Variants in HTRA1 observed in about 807,000 individuals in gnomAD.
HTRA1 encodes serine protease HTRA1.
A neutral mutation model predicts 49.7 loss-of-function variants in HTRA1; 26 were observed. That is an observed-to-expected ratio of 0.52 (90% confidence interval 0.38 to 0.73). The LOEUF is 0.73. Ranked by LOEUF, HTRA1 falls within the 30% of genes least tolerant of loss-of-function variation. HTRA1 has a pLI of 0.00. For missense variants in HTRA1, 561 were observed against 667.2 expected, an observed-to-expected ratio of 0.84 and a Z score of 1.75; for synonymous variants, 291 against 286.9, an observed-to-expected ratio of 1.01 and a Z score of -0.14.
chr10:122,482,647 C>T lies in HTRA1; in HGVS notation c.473-6255C>T, dbSNP rs147897744. The stretch of plus-strand genomic sequence containing the variant: ...TTTAAAGCACATATTCGGCCAGGTG[C>T]GGTGGCTCACACCTGTAGTCCCAGC... On this transcript the variant is annotated intron_variant, in intron 1 of 8. Coordinates refer to ENST00000368984, the MANE Select transcript of HTRA1 (RefSeq NM_002775.5). Among the ~76,000 whole-genome samples, 135 of 152,106 alleles carry T rather than the reference C, an allele frequency of 8.9e-4. 2 individuals carry two copies. The East Asian group carries it at 0.018, about 20-fold the overall frequency.
At chr10:122,500,122 C>T (rs2097500296) in intron 3 of HTRA1, among the ~76,000 whole-genome samples, 1 of 152,120 alleles carries the variant, frequency 6.6e-6, no homozygotes, top group Non-Finnish European at 1.5e-5. Flanking sequence ...CACTCAAGTG[C>T]TACTAGGCAG....
At position 122,506,434 on chromosome 10, in the gene HTRA1, C is replaced by A. The variant is rs2097503082; in HGVS notation, c.778-257C>A. On this transcript the variant is annotated intron_variant, in intron 3 of 8. Coordinates refer to ENST00000368984, the MANE Select transcript of HTRA1 (RefSeq NM_002775.5). The surrounding 1 kb of genome is among the most constrained non-coding windows in gnomAD (Gnocchi z 5.2). ...CCCCGACTTGGCCTCCAGTTACCTC[C>A]CCACGGTTTCCTTGGTGTGTGTGTG... is the stretch of plus-strand genomic sequence containing the variant. 6.6e-6 allele frequency among the ~76,000 whole-genome samples: 1 copy of A among 152,148 alleles called. No homozygotes were observed. Among genetic ancestry groups the A allele is most frequent in the African/African-American group, 2.4e-5 (1 of 41,428 alleles).
rs1296298901 is a variant in HTRA1, at chr10:122,494,531, A to G, written c.777+4905A>G. On this transcript the variant is annotated intron_variant, in intron 3 of 8. Transcript: ENST00000368984. This position sits in a 1 kb window ranked among gnomAD's most constrained non-coding sequence, Gnocchi z 4.0. ...TTTGGTAACGGAAAGCGCTGGTGAA[A>G]CAGTGAGCTTTCCCGTGGGTGCTTT... is the stretch of plus-strand genomic sequence containing the variant. Among the ~76,000 whole-genome samples the G allele has an allele frequency of 6.6e-6, 1 of 152,186 alleles. No individual in the cohort carries two copies. Among genetic ancestry groups the G allele is most frequent in the Non-Finnish European group, 1.5e-5 (1 of 68,030 alleles).
At chr10:122,512,087 T>G in intron 8 of HTRA1, 22 bp downstream of exon 8, 3 of 1,508,810 alleles carry the variant, frequency 2.0e-6, no homozygotes, top group Non-Finnish European at 2.8e-6. Context: ...TCGTTTTCTC[T>G]TTTCCCAATA....
chr10:122,502,049 G>A (rs1332839896), intron 3 of HTRA1, among the ~76,000 whole-genome samples: 1 of 131,156 alleles, frequency 7.6e-6, no homozygotes, highest in Non-Finnish European at 1.5e-5. Context: ...TTTTAGTGCT[G>A]GTCTGTGTTT....
Position 122,464,669 on chromosome 10 carries a change from T to G in HTRA1, c.472+2545T>G, listed in dbSNP as rs2097483106. Among the ~76,000 whole-genome samples, 1 of 152,196 alleles carries G rather than the reference T, an allele frequency of 6.6e-6. No homozygotes were observed. The highest frequency in any genetic ancestry group is 1.5e-5 in the Non-Finnish European group (1 of 68,038). On this transcript the variant is annotated intron_variant, in intron 1 of 8. Transcript: ENST00000368984. This position sits in a 1 kb window ranked among gnomAD's most constrained non-coding sequence, Gnocchi z 4.8. ...TGGATCTCACACTCCACCCTTGACT[T>G]TTCGGAGGTGTTTCCGAGGACAGGC... is the stretch of plus-strand genomic sequence containing the variant.
In HTRA1 at chr10:122,484,453, C is replaced by T. The variant is rs749756611; in HGVS notation, c.473-4449C>T. ...TCATACCTTCGCAGTGACATGACGA[C>T]GTCGTTAGGAGGCGCCGAGGTGGCT... On this transcript the variant is annotated intron_variant, in intron 1 of 8. Coordinates refer to ENST00000368984, the MANE Select transcript of HTRA1 (RefSeq NM_002775.5). Among the ~76,000 whole-genome samples the T allele has an allele frequency of 1.6e-4, 25 of 152,266 alleles. No individual in the cohort carries two copies. In the Middle Eastern group the frequency reaches 0.017, roughly 104 times the overall value.
At chr10:122,504,066 C>A (rs2097502027) in intron 3 of HTRA1, among the ~76,000 whole-genome samples, 1 of 152,184 alleles carries the variant, frequency 6.6e-6, no homozygotes, top group Non-Finnish European at 1.5e-5. Context: ...CCACGGGGTG[C>A]TCTGGGCCCC....
rs544288548 is a variant in HTRA1 at position 122,505,754 on chromosome 10, C to T, written c.778-937C>T. On this transcript the variant is annotated intron_variant, in intron 3 of 8. Transcript: ENST00000368984. The stretch of plus-strand genomic sequence containing the variant: ...ATTTCTGGGCCTGGTCCATGTTGTT[C>T]AGGGCAGCTGCTCGTTCTAAGTGAA... 3.9e-5 allele frequency among the ~76,000 whole-genome samples: 6 copies of T among 152,324 alleles called. No homozygotes were observed. In the South Asian group the frequency reaches 1.0e-3, roughly 26 times the overall value.
intron 5 of HTRA1, among the ~76,000 whole-genome samples, chr10:122,507,846 G>T (rs1432147391): frequency 1.3e-5 from 2 of 152,196 alleles, no homozygotes; most frequent in Non-Finnish European, 2.9e-5. Context: ...TTAAGGCCTG[G>T]CTGGAATGAG....
At chr10:122,485,346 G>C (rs1400969795) in intron 1 of HTRA1, among the ~76,000 whole-genome samples, 1 of 152,198 alleles carries the variant, frequency 6.6e-6, no homozygotes, top group Non-Finnish European at 1.5e-5. Flanking sequence ...CTTGTCATAT[G>C]GTCTGTGCTC....
At chr10:122,469,718 T>A (rs2097485320) in intron 1 of HTRA1, among the ~76,000 whole-genome samples, 1 of 152,174 alleles carries the variant, frequency 6.6e-6, no homozygotes, top group African/African-American at 2.4e-5. Flanking sequence ...CAGAAGAGGC[T>A]CCTAGAGGTT....
In HTRA1 at chr10:122,469,876, G is replaced by A. The variant is rs1351905735; in HGVS notation, c.472+7752G>A. On this transcript the variant is annotated intron_variant, in intron 1 of 8. Coordinates refer to ENST00000368984, the MANE Select transcript of HTRA1 (RefSeq NM_002775.5). ...TGTTTATTCATCAAATATTTGGTGG[G>A]TGTTTCCAGCTATCTTTCTGTTATT... Among the ~76,000 whole-genome samples, 4 of 152,200 alleles carry A rather than the reference G, an allele frequency of 2.6e-5. No individual in the cohort carries two copies. The East Asian group carries it at 5.8e-4, about 22-fold the overall frequency.
At chr10:122,507,677 G>A (rs946051202) in intron 5 of HTRA1, among the ~76,000 whole-genome samples, 4 of 152,172 alleles carry the variant, frequency 2.6e-5, no homozygotes, top group Non-Finnish European at 5.9e-5. Flanking sequence ...CAGAGTTACA[G>A]GTAAACACCG....
chr10:122,471,903 G>A (rs950971090), intron 1 of HTRA1, among the ~76,000 whole-genome samples: 1 of 152,196 alleles, frequency 6.6e-6, no homozygotes, highest in Non-Finnish European at 1.5e-5. Flanking sequence ...AAATGAGGTT[G>A]CAGAAAACCC....
chr10:122,479,103 C>G (rs1194233232), intron 1 of HTRA1, among the ~76,000 whole-genome samples: 1 of 152,206 alleles, frequency 6.6e-6, no homozygotes, highest in East Asian at 1.9e-4. Flanking sequence ...CCCTCGAATA[C>G]ACTGCGTTCT....
intron 1 of HTRA1, among the ~76,000 whole-genome samples, chr10:122,468,693 A>G (rs2097484850): frequency 6.6e-6 from 1 of 152,160 alleles, no homozygotes; most frequent in Non-Finnish European, 1.5e-5. Flanking sequence ...TCATGTGACC[A>G]GTGTGTGGCT....
At chr10:122,485,335 C>T (rs536375876) in intron 1 of HTRA1, among the ~76,000 whole-genome samples, 1 of 152,326 alleles carries the variant, frequency 6.6e-6, no homozygotes, top group East Asian at 1.9e-4. Flanking sequence ...TGTCAGTCAG[C>T]CTTGTCATAT....
At chr10:122,505,851 T>A (rs1375059912) in intron 3 of HTRA1, among the ~76,000 whole-genome samples, 1 of 152,184 alleles carries the variant, frequency 6.6e-6, no homozygotes, top group Non-Finnish European at 1.5e-5. Flanking sequence ...CCCGATGCCT[T>A]CCCTGATAGA....
Sources: allele counts gnomAD v4.1 joint callset (sites outside exome capture counted in the v4.1 genomes callset), GRCh38; gene constraint gnomAD v4.1.1; non-coding constraint Gnocchi (gnomAD v3.1); transcripts MANE v1.5; gene names NCBI Gene and HGNC (gene_info 2026-07-23, HGNC 2026-07-21).